SCAF8: variants seen among roughly 807,000 people sequenced by gnomAD.
The protein encoded by SCAF8 is SR-related and CTD-associated factor 8.
A neutral mutation model predicts 140.5 loss-of-function variants in SCAF8; 23 were observed. The ratio of observed to expected loss-of-function variants is 0.16; its 90% CI spans 0.12 to 0.23. The LOEUF (loss-of-function observed/expected upper bound fraction) is 0.23, where lower values mean the gene tolerates loss of function less well. SCAF8 is among the 10% of genes least tolerant of loss of function. SCAF8 has a pLI of 1.00. For synonymous variants in SCAF8, 575 were observed against 528.9 expected, an observed-to-expected ratio of 1.09 and a Z score of -1.20; for missense variants, 1,397 against 1,555.7, an observed-to-expected ratio of 0.90 and a Z score of 1.72.
Position 154,824,361 on chromosome 6 carries a change from C to G in SCAF8, c.2054C>G (p.Pro685Arg). The change falls in exon 17 of 20, where the codon CCT becomes CGT. Residue 685 changes from proline to arginine, a missense_variant. Around this residue, in one of 5 missense-constraint regions of SCAF8, gnomAD observed 930 missense variants for 874.6 expected, o/e 1.06. Coordinates refer to ENST00000367178, the MANE Select transcript of SCAF8 (RefSeq NM_014892.5). ...CCTTTTTTAAGAGCAAGTTTTAACCCTTCACAACCACCACCTGGTAAGGAA... is the reference window on the plus strand; with the variant it reads ...CCTTTTTTAAGAGCAAGTTTTAACCGTTCACAACCACCACCTGGTAAGGAA... ...PPPFLRASFN[P>R]SQPPPGFMPP... is the part of the protein sequence containing the mutation. 2 of 1,613,356 alleles carry G rather than the reference C, an allele frequency of 1.2e-6. No homozygotes were observed. Among genetic ancestry groups the G allele is most frequent in the Non-Finnish European group, 1.7e-6 (2 of 1,179,562 alleles).
At chr6:154,790,603 T>C (rs1019471958) in intron 4 of SCAF8, among the ~76,000 whole-genome samples, 4 of 139,712 alleles carry the variant, frequency 2.9e-5, no homozygotes, top group African/African-American at 5.2e-5. Flanking sequence ...CTCCGCCTCC[T>C]GGGTTCACGC....
chr6:154,751,457 A>G (rs1231178422), intron 1 of SCAF8, among the ~76,000 whole-genome samples: 1 of 151,948 alleles, frequency 6.6e-6, no homozygotes, highest in African/African-American at 2.4e-5. Flanking sequence ...CGAACTCCCT[A>G]CCTCAGGTGA....
At chr6:154,793,901 T>TTG (rs546452318) in intron 5 of SCAF8, among the ~76,000 whole-genome samples, 45 of 74,610 alleles carry the variant, frequency 6.0e-4, no homozygotes, top group South Asian at 1.0e-3. Context: ...TGTATGTATT[T>TTG]TGTGTGTGTG....
chr6:154,782,368 A>G (rs1022318809), intron 3 of SCAF8, among the ~76,000 whole-genome samples: 7 of 152,190 alleles, frequency 4.6e-5, no homozygotes, highest in Non-Finnish European at 1.0e-4. Flanking sequence ...GTAGTGAACC[A>G]TCATTGTGCC....
chr6:154,830,884 C>T, intron 18 of SCAF8, 38 bp from the exon 19 acceptor site: 1 of 1,500,560 alleles, frequency 6.7e-7, no homozygotes, highest in Non-Finnish European at 9.3e-7. Context: ...TGAATTGACT[C>T]ATTAAATCTG....
intron 3 of SCAF8, among the ~76,000 whole-genome samples, chr6:154,778,349 G>A (rs992542769): frequency 6.6e-5 from 10 of 152,206 alleles, no homozygotes; most frequent in African/African-American, 2.4e-4. Flanking sequence ...AGAAGGGTGC[G>A]GGATTTGAAG....
chr6:154,786,145 G>A (rs1007150766), intron 3 of SCAF8, among the ~76,000 whole-genome samples: 1 of 152,138 alleles, frequency 6.6e-6, no homozygotes, highest in Non-Finnish European at 1.5e-5. Context: ...AAGAGCATTC[G>A]GGGTTGGATC....
At chr6:154,822,225 A>G (rs1778438531) in intron 15 of SCAF8, 51 bp from the exon 16 acceptor site, 1 of 1,555,434 alleles carries the variant, frequency 6.4e-7, no homozygotes, top group Non-Finnish European at 8.7e-7. Context: ...AAAGAAGAAA[A>G]TGAAAAGTTG....
chr6:154,741,931 A>G (rs1778581229), intron 1 of SCAF8: 6 of 1,509,374 alleles, frequency 4.0e-6, no homozygotes, highest in Non-Finnish European at 5.3e-6. Flanking sequence ...TGTTCTCAAC[A>G]TCTTTCTCTA....
chr6:154,793,846 T>A lies in SCAF8; in HGVS notation c.475+870T>A, dbSNP rs966749146. On this transcript the variant is annotated intron_variant, in intron 5 of 19. Transcript: ENST00000367178. ...AAAAAAAAAAAAAAAAAAATTTTTT[T>A]AAATCATAGTTCCAAGAATTAAATT... Among the ~76,000 whole-genome samples, 149 of 151,750 alleles carry A rather than the reference T, an allele frequency of 9.8e-4. 1 individual carries two copies. Among genetic ancestry groups the A allele is most frequent in the Middle Eastern group, 3.4e-3 (1 of 294 alleles).
chr6:154,796,024 T>C (rs1777591580), intron 6 of SCAF8, among the ~76,000 whole-genome samples: 1 of 152,332 alleles, frequency 6.6e-6, no homozygotes, highest in Non-Finnish European at 1.5e-5. Context: ...CGTTATATTA[T>C]TTGTAACTAA....
chr6:154,788,081 CTTAA>C, intron 4 of SCAF8, 59 bp downstream of exon 4: 1 of 1,371,158 alleles, frequency 7.3e-7, no homozygotes, highest in Non-Finnish European at 1.0e-6. Context: ...GCCTCTTGGT[CTTAA>C]TTAGTCTTCA....
chr6:154,794,607 G>A (rs371558966), intron 5 of SCAF8, among the ~76,000 whole-genome samples: 22 of 151,904 alleles, frequency 1.4e-4, no homozygotes, highest in East Asian at 7.7e-4. Context: ...ATATGTGTAC[G>A]TACAGAAAAA....
intron 1 of SCAF8, among the ~76,000 whole-genome samples, chr6:154,767,565 C>T (rs1776617987): frequency 8.7e-6 from 1 of 114,410 alleles, no homozygotes; most frequent in African/African-American, 3.4e-5. Context: ...TTGAGATGGG[C>T]GTCTCACTGT....
At chr6:154,772,271 TTA>T (rs1278775911) in intron 1 of SCAF8, among the ~76,000 whole-genome samples, 1 of 152,244 alleles carries the variant, frequency 6.6e-6, no homozygotes, top group Non-Finnish European at 1.5e-5. Context: ...TCTTACAGTG[TTA>T]TACTTAAAAA....
intron 4 of SCAF8, among the ~76,000 whole-genome samples, chr6:154,789,460 C>A (rs1254435587): frequency 6.6e-6 from 1 of 151,928 alleles, no homozygotes; most frequent in Non-Finnish European, 1.5e-5. Context: ...CTTGAATATA[C>A]TCCTTGAGAC....
intron 11 of SCAF8, among the ~76,000 whole-genome samples, chr6:154,809,094 C>T (rs947208115): frequency 2.0e-5 from 3 of 151,896 alleles, no homozygotes; most frequent in Non-Finnish European, 2.9e-5. Flanking sequence ...TATTGTTGCC[C>T]CTGAACAACA....
intron 1 of SCAF8, among the ~76,000 whole-genome samples, chr6:154,770,279 C>A (rs1776697105): frequency 1.3e-5 from 2 of 151,796 alleles, no homozygotes; most frequent in South Asian, 4.2e-4. Context: ...CATAACAAAA[C>A]CCCGTCTTTA....
At chr6:154,828,075 C>T (rs955927701) in intron 18 of SCAF8, among the ~76,000 whole-genome samples, 1 of 152,116 alleles carries the variant, frequency 6.6e-6, no homozygotes, top group African/African-American at 2.4e-5. Context: ...GTTTTGTTCC[C>T]CTTTTAATGA....
Sources: gnomAD v4.1 joint callset for allele counts (sites outside exome capture counted in the v4.1 genomes callset) on GRCh38, gnomAD v4.1.1 for gene constraint, gnomAD v4.1.1 regional missense constraint, MANE v1.5 for transcripts, NCBI Gene and HGNC (gene_info 2026-07-23, HGNC 2026-07-21) for gene names.